The following TPO variants were observed in gnomAD, a reference collection of about 807,000 sequenced individuals.
TPO encodes thyroid peroxidase.
Under a neutral mutation model 96.9 loss-of-function variants are expected in TPO, and 78 were observed. The observed-to-expected ratio is 0.81, with a 90% confidence interval of 0.67 to 0.97. The LOEUF (loss-of-function observed/expected upper bound fraction) is 0.97. Among genes scored for constraint, TPO ranks in the 50% least tolerant of loss-of-function variants. TPO has a pLI of 0.00. For missense variants in TPO, 1,252 were observed against 1,274.8 expected (o/e 0.98, Z 0.27); for synonymous variants, 547 against 538.0 (o/e 1.02, Z -0.23).
At chr2:1,422,344 C>CCTCGTGCAGCCGCCTCTCCTGGGCA (rs1558264301) in intron 2 of TPO, among the ~76,000 whole-genome samples, 2 of 77,520 alleles carry the variant, frequency 2.6e-5, no homozygotes, top group African/African-American at 9.3e-5. Flanking sequence ...TCTCCTGGAC[C>CCTCGTGCAGCCGCCTCTCCTGGGCA]GACCTCGTGC....
chr2:1,537,563 C>A (rs1312383169), intron 15 of TPO, among the ~76,000 whole-genome samples: 1 of 125,056 alleles, frequency 8.0e-6, no homozygotes, highest in Non-Finnish European at 1.6e-5. Context: ...CTGAAATCCC[C>A]CAACTGTGTT....
Position 1,453,823 on chromosome 2 carries a change from G to C in TPO, c.612G>C (p.Pro204=), listed in dbSNP as rs3732349. 1.2e-6 allele frequency: 2 copies of C among 1,613,662 alleles called. No individual in the cohort carries two copies. Among genetic ancestry groups the C allele is most frequent in the East Asian group, 2.2e-5 (1 of 44,870 alleles). The change falls in exon 6 of 17, where the codon CCG becomes CCC. Residue 204 remains proline, a splice_region_variant and synonymous_variant. Transcript: ENST00000329066. ...TGTACAACGGGTTCCCACTGCCCCC[G>C]GTGGGTACTCAGAACGCTACTATCC... The part of the protein sequence containing the change: ...GFLYNGFPLP[P]VREVTRHVIQ...
intron 7 of TPO, among the ~76,000 whole-genome samples, chr2:1,476,698 G>C (rs1669964126): frequency 6.6e-6 from 1 of 152,238 alleles, no homozygotes; most frequent in African/African-American, 2.4e-5. Context: ...TGAGCTTTGG[G>C]GAGATGTGGA....
rs184742828 is a variant in TPO, at chr2:1,380,334, G to C, written n.180+5932G>C. Among the ~76,000 whole-genome samples, 81 of 149,994 alleles carry C rather than the reference G, an allele frequency of 5.4e-4. No individual in the cohort carries two copies. The East Asian group carries it at 0.01, about 19-fold the overall frequency. On this transcript the variant is annotated intron_variant and non_coding_transcript_variant, in intron 1 of 5. Coordinates refer to the TPO transcript ENST00000497517. The stretch of plus-strand genomic sequence containing the variant: ...GCATGAACCCGGGAGGCAGAGCTTG[G>C]AGTGAGCCGAGATCACTTTACTGCA...
chr2:1,452,259 A>C (rs1309916005), intron 5 of TPO, among the ~76,000 whole-genome samples: 1 of 152,244 alleles, frequency 6.6e-6, no homozygotes. Flanking sequence ...TATTATGCAT[A>C]GAGATAAATA....
chr2:1,390,464 A>C (rs1661983184), intron 1 of TPO, among the ~76,000 whole-genome samples: 1 of 152,156 alleles, frequency 6.6e-6, no homozygotes, highest in South Asian at 2.1e-4. Context: ...AGTCTTTGCT[A>C]TTGTGAATAG....
rs1034956415 is a variant in TPO at position 1,477,392 on chromosome 2, G to A, written c.1126G>A (p.Ala376Thr). Residue 376 changes from alanine (A) to threonine (T), a missense_variant, in exon 8 of 17, where the codon GCG (alanine) becomes ACG (threonine). Coordinates refer to ENST00000329066, the MANE Select transcript of TPO (RefSeq NM_001206744.2). ...FVPPRAPAACAPEPGIPGETR... is the reference protein window; with the variant it reads ...FVPPRAPAACTPEPGIPGETR... ...GCCGCCACGCGCGCCTGCGGCCTGT[G>A]CGCCCGAGCCCGGCATCCCCGGAGA... 2.0e-6 allele frequency: 3 copies of A among 1,526,194 alleles called. No homozygotes were observed. The highest frequency in any genetic ancestry group is 2.6e-6 in the Non-Finnish European group (3 of 1,139,162). 94.5% of individuals were successfully genotyped at this position (1,526,194 alleles called of 1,614,324 possible). A position where few individuals can be genotyped will look rare whatever the true frequency, so the allele number is the denominator to read the frequency against.
rs142464235 is a variant in TPO, at chr2:1,423,495, G to A, written c.179+366G>A. ...AGATCTTTGGTGTTGTGATATAACTGTAACATTACCTGTGGCATAGAATAA... is the reference window on the plus strand; with the variant it reads ...AGATCTTTGGTGTTGTGATATAACTATAACATTACCTGTGGCATAGAATAA... On this transcript the variant is annotated intron_variant, in intron 3 of 16. Coordinates refer to ENST00000329066, the MANE Select transcript of TPO (RefSeq NM_001206744.2). Among the ~76,000 whole-genome samples, 416 of 152,286 alleles carry A rather than the reference G, an allele frequency of 2.7e-3. 4 individuals carry two copies. Among genetic ancestry groups the A allele is most frequent in the African/African-American group, 9.4e-3 (389 of 41,538 alleles).
chr2:1,519,277 A>C (rs1249379280), intron 15 of TPO, among the ~76,000 whole-genome samples: 1 of 152,188 alleles, frequency 6.6e-6, no homozygotes, highest in Non-Finnish European at 1.5e-5. Flanking sequence ...TAGCATGTGG[A>C]GGTGGAGCGA....
At chr2:1,489,960 CCGCCACG>C (rs1291770369) in intron 10 of TPO, among the ~76,000 whole-genome samples, 2,470 of 116,814 alleles carry the variant, frequency 0.021, 154 homozygotes, top group South Asian at 0.042. Flanking sequence ...AGTGTAAGAG[CCGCCACG>C]TGGGTCCCAC....
chr2:1,509,464 A>G (rs1480596788), intron 14 of TPO, among the ~76,000 whole-genome samples: 1 of 150,714 alleles, frequency 6.6e-6, no homozygotes, highest in Middle Eastern at 3.2e-3. Context: ...CAGGCACAGG[A>G]TACCCTCTTG....
intron 3 of TPO, among the ~76,000 whole-genome samples, chr2:1,426,042 G>A (rs532902249): frequency 3.2e-4 from 47 of 146,892 alleles, no homozygotes; most frequent in African/African-American, 1.1e-3. Flanking sequence ...TCAGAAGTCC[G>A]TGCTCCTTCC....
rs1284809469 is a variant in TPO, at chr2:1,504,073, T to A, written c.2512T>A (p.Cys838Ser). The A allele has an allele frequency of 1.9e-6, 3 of 1,614,142 alleles. No homozygotes were observed. The highest frequency in any genetic ancestry group is 2.5e-6 in the Non-Finnish European group (3 of 1,180,032). ...CGAGTTAGGAGACGATGGGAGAACC[T>A]GCGTAGGTGAGGCTGTTCCCCTCTC... is the stretch of plus-strand genomic sequence containing the variant. Reference protein sequence around the residue: ...PYELGDDGRTCVDSGRLPRVT... With the variant: ...PYELGDDGRTSVDSGRLPRVT... Residue 838 changes from cysteine to serine, a missense_variant, in exon 14 of 17, where the codon TGC becomes AGC. By Grantham distance (112) the Cys-to-Ser change is moderately radical. Transcript: ENST00000329066.
At chr2:1,449,230 T>G (rs1667110061) in intron 5 of TPO, among the ~76,000 whole-genome samples, 2 of 152,240 alleles carry the variant, frequency 1.3e-5, no homozygotes, top group Non-Finnish European at 2.9e-5. Flanking sequence ...TTCTCTATAG[T>G]CATTTGCCTA....
intron 1 of TPO, among the ~76,000 whole-genome samples, chr2:1,400,117 T>C (rs1662144656): frequency 6.6e-6 from 1 of 152,188 alleles, no homozygotes; most frequent in South Asian, 2.1e-4. Flanking sequence ...AAAAATTATG[T>C]TTGAAATGTT....
rs60128635 is a variant in TPO at position 1,445,203 on chromosome 2, C to T, written c.483-8491C>T. 1.9e-3 allele frequency among the ~76,000 whole-genome samples: 201 copies of T among 103,816 alleles called. 1 individual carries two copies. Among genetic ancestry groups the T allele is most frequent in the African/African-American group, 6.8e-3 (181 of 26,444 alleles). The allele number at this position is 103,816 out of a possible 152,430, so 68.1% of individuals were successfully genotyped here. Reference sequence around the variant, plus strand: ...CCTTCCTGTTTGTATGATCCAGTCACTGCTGCAGGAGTCACCATGTTGGAA... The same window carrying T: ...CCTTCCTGTTTGTATGATCCAGTCATTGCTGCAGGAGTCACCATGTTGGAA... On this transcript the variant is annotated intron_variant, in intron 5 of 16. Coordinates refer to ENST00000329066, the MANE Select transcript of TPO (RefSeq NM_001206744.2).
intron 14 of TPO, among the ~76,000 whole-genome samples, chr2:1,515,514 G>C (rs1021964871): frequency 6.6e-6 from 1 of 152,148 alleles, no homozygotes; most frequent in Non-Finnish European, 1.5e-5. Context: ...GCGCATTTAG[G>C]GTTTATTCAT....
chr2:1,400,828 G>A (rs1485533593), intron 1 of TPO, among the ~76,000 whole-genome samples: 1 of 152,172 alleles, frequency 6.6e-6, no homozygotes, highest in African/African-American at 2.4e-5. Context: ...TAATGGGTAA[G>A]CCAAAGGGGA....
intron 2 of TPO, among the ~76,000 whole-genome samples, chr2:1,418,019 A>T (rs527323695): frequency 9.2e-5 from 14 of 152,304 alleles, no homozygotes; most frequent in Admixed American, 6.5e-4. Flanking sequence ...GCCATGACTC[A>T]CATCTGCAAT....
Sources: gnomAD v4.1 joint callset for allele counts (sites outside exome capture counted in the v4.1 genomes callset) on GRCh38, gnomAD v4.1.1 for gene constraint, MANE v1.5 for transcripts, NCBI Gene and HGNC (gene_info 2026-07-23, HGNC 2026-07-21) for gene names.